Variants in DNM3 observed in about 807,000 individuals in gnomAD.
DNM3 encodes the protein dynamin 3.
In DNM3, 47 loss-of-function variants were observed where a neutral mutation model predicts 101.6. The observed-to-expected ratio is 0.46, with a 90% CI of 0.37 to 0.59. The LOEUF is 0.59. Among genes scored for constraint, DNM3 ranks in the 20% least tolerant of loss-of-function variants. The pLI, the probability that DNM3 is intolerant of heterozygous loss-of-function variation, is 0.00. For synonymous variants in DNM3, 385 were observed against 387.9 expected (o/e 0.99, Z 0.09); for missense variants, 849 against 1,085.7 (o/e 0.78, Z 3.06).
rs2071268295 is a variant in DNM3, at chr1:172,412,509, C to T, written c.*4668C>T. On this transcript the variant is annotated 3_prime_UTR_variant, in exon 21 of 21. Transcript: ENST00000627582. ...ATACAGAAGTAAAATCTTGTCTTCT[C>T]TGCTGATTCTTTAATTAATATGAGC... is the stretch of plus-strand genomic sequence containing the variant. The T allele has an allele frequency of 3.0e-6, 3 of 985,748 alleles. No homozygotes were observed. The highest frequency in any genetic ancestry group is 3.6e-6 in the Non-Finnish European group (3 of 829,900). The allele number at this position is 985,748 out of a possible 1,614,324, so 61.1% of individuals were successfully genotyped here. A position where few individuals can be genotyped will look rare whatever the true frequency, so the allele number is the denominator to read the frequency against.
At chr1:172,214,376 A>G (rs1208672396) in intron 14 of DNM3, among the ~76,000 whole-genome samples, 1 of 152,144 alleles carries the variant, frequency 6.6e-6, no homozygotes. Flanking sequence ...GCACACCAAC[A>G]TGGCACATGT....
chr1:172,040,437 T>A (rs534615152), intron 7 of DNM3, among the ~76,000 whole-genome samples: 1 of 152,272 alleles, frequency 6.6e-6, no homozygotes, highest in South Asian at 2.1e-4. Flanking sequence ...TATGTTTAAA[T>A]TGGAGTTTCT....
intron 2 of DNM3, among the ~76,000 whole-genome samples, chr1:171,944,036 A>G (rs966466635): frequency 6.6e-6 from 1 of 152,162 alleles, no homozygotes; most frequent in Non-Finnish European, 1.5e-5. Context: ...GTAAAGGGCC[A>G]GATATTTTAG....
chr1:171,901,128 A>G lies in DNM3; in HGVS notation c.162-20620A>G, dbSNP rs1009183795. 8.7e-5 allele frequency among the ~76,000 whole-genome samples: 13 copies of G among 148,724 alleles called. 1 individual carries two copies. The highest frequency in any genetic ancestry group is 5.9e-4 in the East Asian group (3 of 5,096). On this transcript the variant is annotated intron_variant, in intron 1 of 20. Transcript: ENST00000627582. ...ACTCTGTCTCAAAAAAAAAAAAAAA[A>G]AAAGAAAGAAATCTATGAAGTTCAG...
chr1:172,182,577 A>T, intron 14 of DNM3, among the ~76,000 whole-genome samples: 1 of 152,144 alleles, frequency 6.6e-6, no homozygotes, highest in Non-Finnish European at 1.5e-5. Context: ...AAGGACAAAA[A>T]TAAAGATGAA....
At chr1:172,205,350 C>A (rs1167982810) in intron 14 of DNM3, among the ~76,000 whole-genome samples, 1 of 152,036 alleles carries the variant, frequency 6.6e-6, no homozygotes. Flanking sequence ...AAATGGACTA[C>A]CAGTTCTTAC....
intron 15 of DNM3, among the ~76,000 whole-genome samples, chr1:172,287,354 T>C (rs1447513414): frequency 6.6e-6 from 1 of 152,178 alleles, no homozygotes. Context: ...ACCCCCACAG[T>C]TATAACCAAA....
At chr1:172,350,179 A>G (rs2067133120) in intron 17 of DNM3, among the ~76,000 whole-genome samples, 1 of 152,142 alleles carries the variant, frequency 6.6e-6, no homozygotes, top group South Asian at 2.1e-4. Context: ...TTTTCCAACA[A>G]AGAATATAAT....
intron 10 of DNM3, among the ~76,000 whole-genome samples, chr1:172,065,944 G>A (rs933694339): frequency 5.9e-5 from 9 of 152,108 alleles, no homozygotes; most frequent in Admixed American, 1.3e-4. Context: ...ATGAGATCTC[G>A]TGATTATGAT....
chr1:172,028,607 C>T (rs58503720), intron 4 of DNM3, among the ~76,000 whole-genome samples: 1 of 151,940 alleles, frequency 6.6e-6, no homozygotes, highest in East Asian at 1.9e-4. Flanking sequence ...AAAACCCCTT[C>T]AAAAAATCAA....
chr1:172,219,355 G>A (rs891409135), intron 14 of DNM3, among the ~76,000 whole-genome samples: 20 of 133,776 alleles, frequency 1.5e-4, no homozygotes, highest in African/African-American at 5.7e-4. Context: ...TCCAGCCTGG[G>A]TGACAGAGGA....
chr1:172,091,122 C>T lies in DNM3; in HGVS notation c.1494-1702C>T, dbSNP rs541413571. Among the ~76,000 whole-genome samples the T allele has an allele frequency of 2.6e-5, 4 of 152,148 alleles. No individual in the cohort carries two copies. The South Asian group carries it at 8.3e-4, about 32-fold the overall frequency. Reference sequence around the variant, plus strand: ...TTGGAGTCCTTTCTGGCTTTTAACCCTCTGTGCTTATGTCTAAAATGAGGG... The same window carrying T: ...TTGGAGTCCTTTCTGGCTTTTAACCTTCTGTGCTTATGTCTAAAATGAGGG... On this transcript the variant is annotated intron_variant, in intron 12 of 20. Transcript: ENST00000627582.
At chr1:172,085,291 A>G (rs2053452311) in intron 12 of DNM3, among the ~76,000 whole-genome samples, 2 of 151,996 alleles carry the variant, frequency 1.3e-5, no homozygotes, top group African/African-American at 2.4e-5. Flanking sequence ...TACATAATAT[A>G]GCTAGTTTTT....
chr1:172,213,364 G>A (rs1316299467), intron 14 of DNM3, among the ~76,000 whole-genome samples: 2 of 152,050 alleles, frequency 1.3e-5, no homozygotes, highest in Non-Finnish European at 2.9e-5. Context: ...CACAAGGGGA[G>A]TGTCATTCCA....
At chr1:171,971,672 C>T (rs558044450) in intron 2 of DNM3, among the ~76,000 whole-genome samples, 1 of 152,060 alleles carries the variant, frequency 6.6e-6, no homozygotes, top group Admixed American at 6.6e-5. Context: ...AATTCTGCAA[C>T]CTAAGAAGCA....
At chr1:172,051,470 C>G (rs146087523) in intron 10 of DNM3, among the ~76,000 whole-genome samples, 24 of 152,302 alleles carry the variant, frequency 1.6e-4, no homozygotes, top group African/African-American at 5.5e-4. Context: ...AATCTTTGCT[C>G]TCCATTCAGT....
At position 172,408,029 on chromosome 1, in the gene DNM3, A is replaced by C; in HGVS notation, c.*188A>C. 6.9e-7 allele frequency: 1 copy of C among 1,439,688 alleles called. No homozygotes were observed. The highest frequency in any genetic ancestry group is 9.1e-7 in the Non-Finnish European group (1 of 1,096,838). 89.2% of individuals were successfully genotyped at this position (1,439,688 alleles called of 1,614,324 possible). A position where few individuals can be genotyped will look rare whatever the true frequency, so the allele number is the denominator to read the frequency against. ...GTCAAACCTTTGGGGTTTGACTCAG[A>C]AACTGCTAACCTTTTAGAGGCTTTA... On this transcript the variant is annotated 3_prime_UTR_variant, in exon 21 of 21. Coordinates refer to ENST00000627582, the MANE Select transcript of DNM3 (RefSeq NM_015569.5).
In DNM3 at chr1:172,225,588, A is replaced by G. The variant is rs560136948; in HGVS notation, c.1660-27985A>G. ...ACCAAATGACCATTTTTTTTTTGCC[A>G]TAACTCTATCTCTTAAGATACTACC... On this transcript the variant is annotated intron_variant, in intron 14 of 20. Transcript: ENST00000627582. 3.4e-4 allele frequency among the ~76,000 whole-genome samples: 51 copies of G among 150,820 alleles called. 1 individual carries two copies. The highest frequency in any genetic ancestry group is 1.1e-3 in the African/African-American group (45 of 40,994).
intron 14 of DNM3, among the ~76,000 whole-genome samples, chr1:172,210,984 C>A (rs2060494599): frequency 6.6e-6 from 1 of 152,056 alleles, no homozygotes; most frequent in African/African-American, 2.4e-5. Context: ...AACAAAAATT[C>A]TGACAAATTT....
Sources: allele counts gnomAD v4.1 joint callset (sites outside exome capture counted in the v4.1 genomes callset), GRCh38; gene constraint gnomAD v4.1.1; transcripts MANE v1.5; gene names NCBI Gene and HGNC (gene_info 2026-07-23, HGNC 2026-07-21).